The following STXBP5L variants were observed in gnomAD, a reference collection of about 807,000 sequenced individuals.
The protein encoded by STXBP5L is syntaxin-binding protein 5-like.
STXBP5L carries 65 observed loss-of-function variants against 144.5 expected under a neutral mutation model. The ratio of observed to expected loss-of-function variants is 0.45; its 90% CI spans 0.37 to 0.55. The LOEUF is 0.55. STXBP5L is among the 20% of genes least tolerant of loss of function. The pLI is 0.00. For synonymous variants in STXBP5L, 505 were observed against 469.6 expected, an observed-to-expected ratio of 1.08 and a Z score of -0.97; for missense variants, 1,298 against 1,405.5, an observed-to-expected ratio of 0.92 and a Z score of 1.22.
At chr3:120,994,573 A>G (rs1943188358) in intron 3 of STXBP5L, among the ~76,000 whole-genome samples, 1 of 151,852 alleles carries the variant, frequency 6.6e-6, no homozygotes. Flanking sequence ...TATTTTGTTG[A>G]TGTATTTCAT....
At chr3:120,936,379 A>G (rs766998804) in intron 2 of STXBP5L, among the ~76,000 whole-genome samples, 18 of 124,972 alleles carry the variant, frequency 1.4e-4, no homozygotes, top group Non-Finnish European at 2.9e-4. Flanking sequence ...GTCTTTTAGT[A>G]CATCTTGTAA....
chr3:120,981,338 A>T (rs923149646), intron 3 of STXBP5L, among the ~76,000 whole-genome samples: 4 of 152,178 alleles, frequency 2.6e-5, no homozygotes, highest in Non-Finnish European at 4.4e-5. Flanking sequence ...GATAACTCAT[A>T]GCTTAGTAAG....
intron 8 of STXBP5L, 138 bp downstream of exon 8, chr3:121,152,698 T>C: frequency 1.8e-6 from 1 of 550,238 alleles, no homozygotes. Flanking sequence ...CACTGTCTTT[T>C]AGTATTTGTG....
chr3:121,042,599 G>A (rs1175195824), intron 4 of STXBP5L, among the ~76,000 whole-genome samples: 1 of 152,098 alleles, frequency 6.6e-6, no homozygotes. Context: ...TTCATTCAGT[G>A]TCTGCATATA....
intron 3 of STXBP5L, among the ~76,000 whole-genome samples, chr3:120,963,417 A>G (rs1157514319): frequency 6.6e-6 from 1 of 152,222 alleles, no homozygotes; most frequent in Non-Finnish European, 1.5e-5. Context: ...TATGTCATAA[A>G]TAGCTCTTAT....
intron 5 of STXBP5L, among the ~76,000 whole-genome samples, chr3:121,062,590 A>G (rs927335479): frequency 3.9e-5 from 6 of 152,204 alleles, no homozygotes; most frequent in Admixed American, 3.3e-4. Context: ...TGGATAATAT[A>G]CTGAAGAGTG....
At chr3:120,979,960 G>T (rs1445130194) in intron 3 of STXBP5L, among the ~76,000 whole-genome samples, 1 of 151,998 alleles carries the variant, frequency 6.6e-6, no homozygotes, top group Admixed American at 6.6e-5. Context: ...TAAATTCCTA[G>T]CCTAATTTCA....
chr3:120,997,691 C>G (rs184747876), intron 3 of STXBP5L, among the ~76,000 whole-genome samples: 2 of 152,028 alleles, frequency 1.3e-5, no homozygotes, highest in African/African-American at 4.8e-5. Flanking sequence ...TTGTCAGATG[C>G]ATAGCTTGCA....
intron 2 of STXBP5L, among the ~76,000 whole-genome samples, chr3:120,938,837 A>G (rs890432006): frequency 6.6e-6 from 1 of 151,988 alleles, no homozygotes; most frequent in Admixed American, 6.5e-5. Flanking sequence ...CTGGAGTGCA[A>G]TGGCAAAATC....
At chr3:121,323,634 G>A (rs1279905283) in intron 20 of STXBP5L, among the ~76,000 whole-genome samples, 1 of 152,118 alleles carries the variant, frequency 6.6e-6, no homozygotes, top group Admixed American at 6.5e-5. Flanking sequence ...TCTACAGCTA[G>A]ACATTATGCT....
At chr3:121,296,847 C>T (rs1408808641) in intron 19 of STXBP5L, among the ~76,000 whole-genome samples, 1 of 152,150 alleles carries the variant, frequency 6.6e-6, no homozygotes, top group East Asian at 1.9e-4. Flanking sequence ...ACTAAACCCT[C>T]ACCAATCTCA....
chr3:121,302,912 T>C (rs1278982789), intron 19 of STXBP5L, among the ~76,000 whole-genome samples: 1 of 152,112 alleles, frequency 6.6e-6, no homozygotes. Flanking sequence ...ACATTAGACC[T>C]AAAACCATAA....
At position 121,132,932 on chromosome 3, in the gene STXBP5L, A is replaced by G. The variant is rs1215238219; in HGVS notation, c.669+11228A>G. On this transcript the variant is annotated intron_variant, in intron 7 of 26. Coordinates refer to ENST00000471454, the MANE Select transcript of STXBP5L (RefSeq NM_001308330.2). ...AAAGACAGGTAACTAGAAATAATTCAGACAGAAAAGCAAAAGGAAAACAGA... is the reference window on the plus strand; with the variant it reads ...AAAGACAGGTAACTAGAAATAATTCGGACAGAAAAGCAAAAGGAAAACAGA... Among the ~76,000 whole-genome samples, 3 of 152,226 alleles carry G rather than the reference A, an allele frequency of 2.0e-5. No individual in the cohort carries two copies. The East Asian group carries it at 5.8e-4, about 29-fold the overall frequency.
At chr3:120,984,354 A>G (rs1487009269) in intron 3 of STXBP5L, among the ~76,000 whole-genome samples, 1 of 152,202 alleles carries the variant, frequency 6.6e-6, no homozygotes. Flanking sequence ...TGGTGAACTC[A>G]GGATAGTATT....
intron 18 of STXBP5L, among the ~76,000 whole-genome samples, chr3:121,261,192 C>T (rs2050371936): frequency 6.6e-6 from 1 of 151,936 alleles, no homozygotes; most frequent in Non-Finnish European, 1.5e-5. Flanking sequence ...AACACATTTC[C>T]CTTATAAGGG....
intron 3 of STXBP5L, among the ~76,000 whole-genome samples, chr3:121,035,657 T>C (rs1270854851): frequency 6.6e-6 from 1 of 152,204 alleles, no homozygotes; most frequent in Non-Finnish European, 1.5e-5. Flanking sequence ...TCAGCTTTGT[T>C]CTTTCTGCTT....
At chr3:121,278,898 A>G (rs578046294) in intron 18 of STXBP5L, among the ~76,000 whole-genome samples, 21 of 151,706 alleles carry the variant, frequency 1.4e-4, no homozygotes, top group Middle Eastern at 3.4e-3. Flanking sequence ...AACATCTAGT[A>G]TGGGTAGAAG....
intron 3 of STXBP5L, among the ~76,000 whole-genome samples, chr3:121,018,255 C>A (rs1209030367): frequency 1.3e-5 from 2 of 151,846 alleles, no homozygotes; most frequent in South Asian, 2.1e-4. Context: ...GGCAAAAGAC[C>A]CAGAATAACC....
chr3:121,051,902 G>A (rs952097408), intron 5 of STXBP5L, among the ~76,000 whole-genome samples: 5 of 151,878 alleles, frequency 3.3e-5, no homozygotes, highest in African/African-American at 9.7e-5. Context: ...ATGATAAAGG[G>A]GATATCACCA....
Sources: gnomAD v4.1 joint callset for allele counts (sites outside exome capture counted in the v4.1 genomes callset) on GRCh38, gnomAD v4.1.1 for gene constraint, MANE v1.5 for transcripts, NCBI Gene and HGNC (gene_info 2026-07-23, HGNC 2026-07-21) for gene names.